The following GRM5 variants were observed in gnomAD, a reference collection of about 807,000 sequenced individuals.
GRM5 encodes the protein metabotropic glutamate receptor 5.
Under a neutral mutation model 83.1 loss-of-function variants are expected in GRM5, and 19 were observed. The observed-to-expected ratio is 0.23, with a 90% CI of 0.16 to 0.34. GRM5 has a LOEUF of 0.34. Among genes scored for constraint, GRM5 ranks in the 10% least tolerant of loss-of-function variants. GRM5 has a pLI of 1.00. For synonymous variants in GRM5, 675 were observed against 633.6 expected (o/e 1.07, Z -0.98); for missense variants, 1,160 against 1,588.3 (o/e 0.73, Z 4.58).
intron 3 of GRM5, among the ~76,000 whole-genome samples, chr11:88,677,634 A>G (rs556534009): frequency 6.6e-6 from 1 of 152,132 alleles, no homozygotes; most frequent in Admixed American, 6.6e-5. Flanking sequence ...TTTTAATTAC[A>G]TAAGCTAATA....
At chr11:88,872,708 G>C (rs1944790343) in intron 2 of GRM5, among the ~76,000 whole-genome samples, 1 of 151,078 alleles carries the variant, frequency 6.6e-6, no homozygotes, top group African/African-American at 2.4e-5. Context: ...GGAAAACACA[G>C]CAATTGTGAG....
At chr11:88,904,204 G>T (rs1945365685) in intron 2 of GRM5, among the ~76,000 whole-genome samples, 1 of 152,094 alleles carries the variant, frequency 6.6e-6, no homozygotes, top group Non-Finnish European at 1.5e-5. Context: ...TAAGACAAAG[G>T]CATTGTGATT....
chr11:88,592,469 A>G (rs1341810576), intron 6 of GRM5, among the ~76,000 whole-genome samples: 1 of 152,216 alleles, frequency 6.6e-6, no homozygotes, highest in Non-Finnish European at 1.5e-5. Context: ...GCATATTGCA[A>G]AGCTGAAGGA....
At chr11:88,736,314 G>A (rs748057444) in intron 3 of GRM5, among the ~76,000 whole-genome samples, 33 of 152,032 alleles carry the variant, frequency 2.2e-4, no homozygotes, top group Non-Finnish European at 4.6e-4. Flanking sequence ...GGATCTTTGT[G>A]TTTTAATGTG....
chr11:88,615,619 A>C (rs2135248219), intron 4 of GRM5, among the ~76,000 whole-genome samples: 1 of 150,696 alleles, frequency 6.6e-6, no homozygotes, highest in South Asian at 2.1e-4. Context: ...CCAATCAGCT[A>C]GGGGCTATTT....
At chr11:88,915,724 T>C (rs1295554035) in intron 2 of GRM5, among the ~76,000 whole-genome samples, 1 of 152,212 alleles carries the variant, frequency 6.6e-6, no homozygotes, top group Non-Finnish European at 1.5e-5. Context: ...ACAATATGTA[T>C]GGGCTGCAAA....
intron 2 of GRM5, among the ~76,000 whole-genome samples, chr11:88,925,131 T>C (rs1166005607): frequency 1.3e-5 from 2 of 152,000 alleles, no homozygotes; most frequent in African/African-American, 2.4e-5. Context: ...AAATGATCGA[T>C]TGGCCTCAAG....
At chr11:88,804,085 G>A (rs1417157740) in intron 3 of GRM5, among the ~76,000 whole-genome samples, 1 of 152,196 alleles carries the variant, frequency 6.6e-6, no homozygotes, top group Non-Finnish European at 1.5e-5. Context: ...TACACTGTTA[G>A]TGGGACTATA....
At chr11:89,018,496 A>G (rs1199334705) in intron 2 of GRM5, among the ~76,000 whole-genome samples, 1 of 152,324 alleles carries the variant, frequency 6.6e-6, no homozygotes, top group East Asian at 1.9e-4. Flanking sequence ...TTGTTCTAAC[A>G]TTGATTTATT....
intron 3 of GRM5, among the ~76,000 whole-genome samples, chr11:88,704,887 C>T (rs1375281270): frequency 1.3e-5 from 2 of 151,984 alleles, no homozygotes; most frequent in African/African-American, 4.8e-5. Context: ...TTCCCTTGGT[C>T]TGTGAAATGA....
chr11:88,646,105 C>A (rs577924178), intron 4 of GRM5, among the ~76,000 whole-genome samples: 1 of 151,970 alleles, frequency 6.6e-6, no homozygotes, highest in Non-Finnish European at 1.5e-5. Context: ...CTCCTGGAAA[C>A]TACTGGAGAT....
At chr11:88,726,417 T>G (rs1941683184) in intron 3 of GRM5, among the ~76,000 whole-genome samples, 1 of 152,174 alleles carries the variant, frequency 6.6e-6, no homozygotes, top group Non-Finnish European at 1.5e-5. Flanking sequence ...GTTTGATTGG[T>G]GTACCTGAAA....
chr11:89,047,913 G>A lies in GRM5; in HGVS notation c.-41C>T, dbSNP rs138322385. The A allele has an allele frequency of 4.3e-4, 643 of 1,497,962 alleles. No individual in the cohort carries two copies. The African/African-American group carries it at 6.3e-3, about 15-fold the overall frequency. 92.8% of individuals were successfully genotyped at this position (1,497,962 alleles called of 1,614,324 possible). ...CAAGCCAATAAAGATAGCATGGTGGGGAAAATTCAGGAGGGTTCTGATAGC... is the reference window on the plus strand; with the variant it reads ...CAAGCCAATAAAGATAGCATGGTGGAGAAAATTCAGGAGGGTTCTGATAGC... On this transcript the variant is annotated 5_prime_UTR_variant, in exon 2 of 10. Coordinates refer to ENST00000305447, the MANE Select transcript of GRM5 (RefSeq NM_001143831.3). This position sits in a 1 kb window ranked among gnomAD's most constrained non-coding sequence, Gnocchi z 5.1.
chr11:88,970,220 C>T (rs1317355341), intron 2 of GRM5, among the ~76,000 whole-genome samples: 1 of 152,048 alleles, frequency 6.6e-6, no homozygotes, highest in African/African-American at 2.4e-5. Context: ...GGTATAGTGG[C>T]TTCAAGATAA....
chr11:89,004,697 C>T (rs1464496096), intron 2 of GRM5, among the ~76,000 whole-genome samples: 1 of 152,150 alleles, frequency 6.6e-6, no homozygotes, highest in Non-Finnish European at 1.5e-5. Context: ...AGCTTTGTGA[C>T]TTGGGCAAGT....
At chr11:88,760,168 G>A (rs1199885681) in intron 3 of GRM5, among the ~76,000 whole-genome samples, 2 of 151,952 alleles carry the variant, frequency 1.3e-5, no homozygotes, top group African/African-American at 4.8e-5. Flanking sequence ...AATAACTAGA[G>A]AATCAACAGC....
At chr11:88,580,128 G>A (rs1943191977) in intron 7 of GRM5, among the ~76,000 whole-genome samples, 2 of 152,118 alleles carry the variant, frequency 1.3e-5, no homozygotes, top group Admixed American at 6.6e-5. Flanking sequence ...GTAATAGTAA[G>A]GATAAAGCAG....
intron 2 of GRM5, among the ~76,000 whole-genome samples, chr11:88,919,296 G>A (rs1260598073): frequency 3.9e-5 from 4 of 102,700 alleles, no homozygotes; most frequent in Non-Finnish European, 6.6e-5. Context: ...TACAAAAAGA[G>A]GCAAAGAAAG....
intron 2 of GRM5, among the ~76,000 whole-genome samples, chr11:88,909,039 C>T (rs1298339163): frequency 1.3e-5 from 2 of 152,174 alleles, no homozygotes; most frequent in African/African-American, 4.8e-5. Context: ...TTCTTGGAGA[C>T]GTTGAGTCCA....
Sources: gnomAD v4.1 joint callset for allele counts (sites outside exome capture counted in the v4.1 genomes callset) on GRCh38, gnomAD v4.1.1 for gene constraint, Gnocchi (gnomAD v3.1) non-coding constraint, MANE v1.5 for transcripts, NCBI Gene and HGNC (gene_info 2026-07-23, HGNC 2026-07-21) for gene names.